Variants in HTT observed in about 807,000 individuals in gnomAD.
The protein encoded by HTT is huntington disease protein.
Under a neutral mutation model 362.3 loss-of-function variants are expected in HTT, and 104 were observed. The observed-to-expected ratio is 0.29, with a 90% CI of 0.24 to 0.34. The LOEUF is 0.34. Among genes scored for constraint, HTT ranks in the 10% least tolerant of loss-of-function variants. The pLI, the probability that HTT is intolerant of heterozygous loss-of-function variation, is 1.00. For synonymous variants in HTT, 1,577 were observed against 1,548.7 expected, an observed-to-expected ratio of 1.02 and a Z score of -0.43; for missense variants, 3,301 against 3,928.6, an observed-to-expected ratio of 0.84 and a Z score of 4.27.
In HTT at chr4:3,189,146, A is replaced by G. The variant is rs1031254805; in HGVS notation, c.5368+53A>G. On this transcript the variant is annotated intron_variant, in intron 40 of 66. Transcript: ENST00000355072. ...AGTGTCTCGTTCCCCATTCTGCACT[A>G]TACACTCTCAGAGTGTAGGAGCTGT... The G allele has an allele frequency of 2.5e-6, 4 of 1,572,110 alleles. No individual in the cohort carries two copies. In the South Asian group the frequency reaches 3.4e-5, roughly 13 times the overall value.
chr4:3,147,198 T>G (rs1716645236), intron 25 of HTT, among the ~76,000 whole-genome samples: 1 of 152,262 alleles, frequency 6.6e-6, no homozygotes, highest in Admixed American at 6.5e-5. Flanking sequence ...AAACTCATTT[T>G]GAATTTCATT....
At chr4:3,102,020 G>T (rs959124823) in intron 3 of HTT, among the ~76,000 whole-genome samples, 8 of 152,214 alleles carry the variant, frequency 5.3e-5, no homozygotes, top group Non-Finnish European at 1.0e-4. Context: ...CAGGTCAAGG[G>T]GTTGTACCTT....
intron 26 of HTT, 149 bp from the exon 27 acceptor site, chr4:3,154,144 G>GTAC: frequency 1.6e-6 from 1 of 617,338 alleles, no homozygotes; most frequent in East Asian, 2.9e-5. Context: ...TGTCTGAACT[G>GTAC]TACATATCAG....
At chr4:3,084,871 G>T (rs980940406) in intron 1 of HTT, among the ~76,000 whole-genome samples, 1 of 151,688 alleles carries the variant, frequency 6.6e-6, no homozygotes, top group East Asian at 2.0e-4. Flanking sequence ...AAAATTAGCC[G>T]GGTATAGTGG....
intron 22 of HTT, 111 bp downstream of exon 22, chr4:3,140,767 A>G: frequency 9.8e-7 from 1 of 1,019,848 alleles, no homozygotes; most frequent in Non-Finnish European, 1.4e-6. Context: ...GCTTCAGCTC[A>G]GGATGTTTGA....
chr4:3,217,311 C>T (rs1388395154), intron 51 of HTT, among the ~76,000 whole-genome samples: 1 of 152,148 alleles, frequency 6.6e-6, no homozygotes, highest in Admixed American at 6.5e-5. Flanking sequence ...GCCCCAAGCC[C>T]CTCAAGCACT....
chr4:3,142,940 T>C (rs1716417730), intron 23 of HTT, 54 bp downstream of exon 23: 1 of 1,475,720 alleles, frequency 6.8e-7, no homozygotes, highest in South Asian at 1.2e-5. Context: ...TTTGGTAGCT[T>C]GTATGGCCAG....
At chr4:3,162,306 T>C (rs201173094) in intron 29 of HTT, among the ~76,000 whole-genome samples, 2 of 152,240 alleles carry the variant, frequency 1.3e-5, no homozygotes, top group African/African-American at 2.4e-5. Flanking sequence ...ACCAGTACCA[T>C]GCAGTTTTGG....
chr4:3,228,840 C>T lies in HTT; in HGVS notation c.7980-40C>T, dbSNP rs762325435. ...GTGCTTCTTGAAATGAGCCTCTCAT[C>T]TCATGTACTTGGAAAATACCCATCT... On this transcript the variant is annotated intron_variant, in intron 58 of 66. Coordinates refer to ENST00000355072, the MANE Select transcript of HTT (RefSeq NM_001388492.1). The surrounding 1 kb of genome is among the most constrained non-coding windows in gnomAD (Gnocchi z 4.3). The T allele has an allele frequency of 4.4e-6, 7 of 1,593,542 alleles. No homozygotes were observed. Among genetic ancestry groups the T allele is most frequent in the Admixed American group, 1.7e-5 (1 of 59,418 alleles).
chr4:3,103,979 G>C, intron 4 of HTT, 96 bp downstream of exon 4: 1 of 722,378 alleles, frequency 1.4e-6, no homozygotes, highest in Non-Finnish European at 2.4e-6. Context: ...ATATTTATGG[G>C]GTACATGAGA....
intron 5 of HTT, among the ~76,000 whole-genome samples, chr4:3,105,989 C>G (rs753129753): frequency 2.0e-5 from 3 of 152,224 alleles, no homozygotes; most frequent in Non-Finnish European, 4.4e-5. Context: ...CATGCTGATG[C>G]TGATATCCCA....
Position 3,229,925 on chromosome 4 carries a change from G to A in HTT, c.8148G>A (p.Gln2716=), listed in dbSNP as rs368082453. The change falls in exon 60 of 67, where the codon CAG becomes CAA. Residue 2716 remains glutamine, a synonymous_variant. Transcript: ENST00000355072. The stretch of plus-strand genomic sequence containing the variant: ...CAGACTTGTTCACCGAGCGCAACCA[G>A]TTTGAGCTGATGTATGTGACGCTGA... ...VVSDLFTERN[Q]FELMYVTLTE... is the part of the protein sequence containing the mutation. 362 of 1,614,176 alleles carry A rather than the reference G, an allele frequency of 2.2e-4. No individual in the cohort carries two copies. The African/African-American group carries it at 4.3e-3, about 19-fold the overall frequency.
At chr4:3,237,578 C>T (rs535088711) in intron 64 of HTT, among the ~76,000 whole-genome samples, 6 of 151,954 alleles carry the variant, frequency 3.9e-5, no homozygotes, top group East Asian at 1.9e-4. Context: ...GCTCTCCAGA[C>T]GCCACAGGGA....
intron 1 of HTT, among the ~76,000 whole-genome samples, chr4:3,082,883 G>A (rs1712992611): frequency 6.6e-6 from 1 of 152,128 alleles, no homozygotes; most frequent in Admixed American, 6.5e-5. Context: ...GAACTGGAAG[G>A]ACCCTTTCAT....
intron 28 of HTT, among the ~76,000 whole-genome samples, chr4:3,158,902 T>C (rs1182991975): frequency 6.6e-6 from 1 of 152,146 alleles, no homozygotes; most frequent in Non-Finnish European, 1.5e-5. Context: ...TAGTGCTTGC[T>C]ATCTGTTTAT....
At position 3,209,853 on chromosome 4, in the gene HTT, C is replaced by T. The variant is rs774209836; in HGVS notation, c.6318C>T (p.Ser2106=). The T allele has an allele frequency of 6.2e-7, 1 of 1,614,048 alleles. No individual in the cohort carries two copies. The highest frequency in any genetic ancestry group is 1.7e-5 in the Admixed American group (1 of 60,016). The change falls in exon 47 of 67, where the codon TCC becomes TCT. Residue 2106 remains serine (S), a synonymous_variant. Coordinates refer to ENST00000355072, the MANE Select transcript of HTT (RefSeq NM_001388492.1). ...ACTGGTACGTTCATCTTGTCAAATC[C>T]CAGTGTTGGACCAGGTCAGATTCTG... ...DKDWYVHLVK[S]QCWTRSDSAL... is the part of the protein sequence containing the mutation.
chr4:3,205,148 CA>C (rs1278985704), intron 42 of HTT, among the ~76,000 whole-genome samples: 3 of 151,822 alleles, frequency 2.0e-5, no homozygotes, highest in African/African-American at 4.8e-5. Flanking sequence ...GGAGAATTTA[CA>C]AAAAAACAAA....
intron 11 of HTT, 151 bp downstream of exon 11, chr4:3,125,780 T>TC: frequency 1.6e-6 from 1 of 618,000 alleles, no homozygotes. Flanking sequence ...TCGGGCTTCT[T>TC]TTATAATACT....
rs1316043690 is a variant in HTT, at chr4:3,129,958, T to A, written c.1778T>A (p.Leu593Gln). The change falls in exon 13 of 67, where the codon CTG (leucine) becomes CAG (glutamine). Residue 593 changes from leucine to glutamine, a missense_variant. Leu to Gln is a moderately radical substitution (Grantham distance 113). Transcript: ENST00000355072. The part of the protein sequence containing the change: ...LDGTDNQYLG[L>Q]QIGQPQDEDE... ...GGTACCGACAACCAGTATTTGGGCC[T>A]GCAGATTGGACAGCCCCAGGATGAA... is the stretch of plus-strand genomic sequence containing the variant. 6.2e-6 allele frequency: 10 copies of A among 1,614,150 alleles called. No individual in the cohort carries two copies. The highest frequency in any genetic ancestry group is 8.5e-6 in the Non-Finnish European group (10 of 1,179,994).
Sources: gnomAD v4.1 joint callset for allele counts (sites outside exome capture counted in the v4.1 genomes callset) on GRCh38, gnomAD v4.1.1 for gene constraint, Gnocchi (gnomAD v3.1) non-coding constraint, MANE v1.5 for transcripts, NCBI Gene and HGNC (gene_info 2026-07-23, HGNC 2026-07-21) for gene names.